Variants in PHTF2 observed in about 807,000 individuals in gnomAD.
The protein encoded by PHTF2 is putative homeodomain transcription factor 2.
Under a neutral mutation model 101.2 loss-of-function variants are expected in PHTF2, and 60 were observed. The observed-to-expected ratio is 0.59, with a 90% CI of 0.48 to 0.73. The LOEUF is 0.73. Ranked by LOEUF, PHTF2 falls within the 30% of genes least tolerant of loss-of-function variation. PHTF2 has a pLI of 0.00. For missense variants in PHTF2, 747 were observed against 908.7 expected (o/e 0.82, Z 2.29); for synonymous variants, 311 against 307.3 (o/e 1.01, Z -0.13).
chr7:77,952,923 A>G (rs1041370067), intron 18 of PHTF2, among the ~76,000 whole-genome samples: 1 of 152,086 alleles, frequency 6.6e-6, no homozygotes, highest in Non-Finnish European at 1.5e-5. Flanking sequence ...GTACGGCCCT[A>G]TGTGAGATCC....
chr7:77,940,173 T>C, exon 14 of PHTF2: 1 of 1,613,848 alleles, frequency 6.2e-7, no homozygotes. Context: ...CAGAACTTTA[T>C]GTGATTGCAT....
chr7:77,855,681 G>T (rs1797119794), intron 3 of PHTF2, among the ~76,000 whole-genome samples: 1 of 152,158 alleles, frequency 6.6e-6, no homozygotes, highest in Admixed American at 6.5e-5. Flanking sequence ...ATACCCCTCT[G>T]CCTAGGACTG....
At chr7:77,839,808 C>G (rs1274869659) in intron 1 of PHTF2, among the ~76,000 whole-genome samples, 1 of 152,076 alleles carries the variant, frequency 6.6e-6, no homozygotes, top group African/African-American at 2.4e-5. Context: ...TAAATTCTGT[C>G]ATCTCTGTTA....
intron 1 of PHTF2, among the ~76,000 whole-genome samples, chr7:77,813,136 A>G (rs559805738): frequency 2.6e-5 from 4 of 152,362 alleles, no homozygotes; most frequent in South Asian, 2.1e-4. Context: ...TTACAATCCA[A>G]TTACACTGAT....
intron 1 of PHTF2, among the ~76,000 whole-genome samples, chr7:77,801,974 A>G (rs1244509502): frequency 6.6e-6 from 1 of 152,256 alleles, no homozygotes; most frequent in African/African-American, 2.4e-5. Flanking sequence ...AATAAAATAT[A>G]TAAAGTACGG....
At chr7:77,801,540 C>T (rs1284992858) in intron 1 of PHTF2, among the ~76,000 whole-genome samples, 4 of 152,132 alleles carry the variant, frequency 2.6e-5, no homozygotes, top group Non-Finnish European at 2.9e-5. Context: ...GAGCCGAGAT[C>T]GCACCACTGC....
chr7:77,820,645 TG>T (rs1387064203), intron 1 of PHTF2, among the ~76,000 whole-genome samples: 14 of 152,156 alleles, frequency 9.2e-5, no homozygotes. Flanking sequence ...CCCAAAGCAG[TG>T]GGATTACAAG....
chr7:77,930,602 A>T (rs1379823588), intron 12 of PHTF2, among the ~76,000 whole-genome samples: 1 of 152,202 alleles, frequency 6.6e-6, no homozygotes, highest in Non-Finnish European at 1.5e-5. Flanking sequence ...CATAGCTATC[A>T]AAGAACCTTC....
intron 5 of PHTF2, among the ~76,000 whole-genome samples, chr7:77,898,513 A>G (rs955978832): frequency 9.2e-5 from 14 of 152,166 alleles, no homozygotes; most frequent in East Asian, 1.9e-4. Flanking sequence ...AATCTTGGGA[A>G]TGATTTCTAA....
At chr7:77,855,872 G>A (rs982415416) in intron 3 of PHTF2, among the ~76,000 whole-genome samples, 3 of 152,288 alleles carry the variant, frequency 2.0e-5, no homozygotes, top group African/African-American at 7.2e-5. Flanking sequence ...GAGGGGTGGT[G>A]TTGACAATTC....
chr7:77,892,926 G>T (rs1800560782), intron 3 of PHTF2, among the ~76,000 whole-genome samples: 1 of 152,010 alleles, frequency 6.6e-6, no homozygotes, highest in South Asian at 2.1e-4. Flanking sequence ...ATTTTTAATT[G>T]TATAGCATAT....
At chr7:77,830,569 A>C (rs1795005593) in intron 1 of PHTF2, among the ~76,000 whole-genome samples, 1 of 150,534 alleles carries the variant, frequency 6.6e-6, no homozygotes, top group Middle Eastern at 3.5e-3. Flanking sequence ...TATGTGAGAG[A>C]TCTCGGTTGC....
chr7:77,859,447 A>G (rs892603723), intron 3 of PHTF2, among the ~76,000 whole-genome samples: 5 of 152,096 alleles, frequency 3.3e-5, no homozygotes, highest in Admixed American at 1.3e-4. Flanking sequence ...TATTTTCTTC[A>G]TGTTCTTAAA....
intron 11 of PHTF2, chr7:77,923,901 C>T (rs1222888978): frequency 4.1e-6 from 4 of 968,976 alleles, no homozygotes; most frequent in Non-Finnish European, 3.7e-6. Flanking sequence ...ATTATTCTAC[C>T]TATTAACTTT....
chr7:77,910,863 T>G (rs763012670), intron 9 of PHTF2, among the ~76,000 whole-genome samples: 4 of 152,134 alleles, frequency 2.6e-5, no homozygotes, highest in Non-Finnish European at 4.4e-5. Context: ...GACCTCGGCC[T>G]CCTAAAGTGC....
chr7:77,835,321 G>A (rs1795372082), intron 1 of PHTF2, among the ~76,000 whole-genome samples: 1 of 151,818 alleles, frequency 6.6e-6, no homozygotes, highest in Admixed American at 6.6e-5. Context: ...CATCTTGGAG[G>A]AAGTAGGATT....
intron 9 of PHTF2, among the ~76,000 whole-genome samples, chr7:77,913,137 C>T (rs965119086): frequency 6.6e-6 from 1 of 151,898 alleles, no homozygotes; most frequent in Non-Finnish European, 1.5e-5. Flanking sequence ...CCTGTAATCC[C>T]AGCACTTTAT....
intron 2 of PHTF2, among the ~76,000 whole-genome samples, chr7:77,851,116 G>A (rs975834596): frequency 2.0e-5 from 3 of 152,058 alleles, no homozygotes; most frequent in African/African-American, 7.2e-5. Flanking sequence ...AGTAATACTG[G>A]CCTCATAAAA....
intron 1 of PHTF2, among the ~76,000 whole-genome samples, chr7:77,807,563 C>T (rs1460437875): frequency 4.6e-5 from 7 of 152,052 alleles, no homozygotes; most frequent in African/African-American, 1.7e-4. Context: ...TTTTTTGTTA[C>T]TGAGTTGTAG....
Sources: gnomAD v4.1 joint callset for allele counts (sites outside exome capture counted in the v4.1 genomes callset) on GRCh38, gnomAD v4.1.1 for gene constraint, MANE v1.5 for transcripts, NCBI Gene and HGNC (gene_info 2026-07-23, HGNC 2026-07-21) for gene names.